NIPAL3: variants seen among roughly 807,000 people sequenced by gnomAD.
NIPAL3 encodes the protein NIPA like domain containing 3.
Under a neutral mutation model 47.2 loss-of-function variants are expected in NIPAL3, and 41 were observed. That is an observed-to-expected ratio of 0.87 (90% CI 0.68 to 1.13). NIPAL3 has a LOEUF of 1.13. Among genes scored for constraint, NIPAL3 ranks in the 50% most tolerant of loss-of-function variants. The probability of loss-of-function intolerance (pLI) is 0.00; values close to 1 mark genes in which losing one functional copy is unlikely to be tolerated. For synonymous variants in NIPAL3, 194 were observed against 209.6 expected (o/e 0.93, Z 0.64); for missense variants, 449 against 530.1 (o/e 0.85, Z 1.50).
Position 24,464,093 on chromosome 1 carries a change from C to T in NIPAL3, c.994C>T (p.Pro332Ser), listed in dbSNP as rs536209713. Reference protein sequence around the residue: ...RNRKKPIPFEPYISMDAMPGM... With the variant: ...RNRKKPIPFESYISMDAMPGM... ...CAGGAAGAAGCCCATTCCATTTGAG[C>T]CCTATATTTCCATGGATGCCATGCC... Residue 332 changes from proline (P) to serine (S), a missense_variant, in exon 11 of 12, where the codon CCC becomes TCC. Physicochemically the swap from Pro to Ser is moderately conservative, Grantham distance 74. Coordinates refer to ENST00000374399, the MANE Select transcript of NIPAL3 (RefSeq NM_020448.5). 1.1e-5 allele frequency: 18 copies of T among 1,613,422 alleles called. No individual in the cohort carries two copies. In the South Asian group the frequency reaches 1.9e-4, roughly 17 times the overall value.
At chr1:24,420,638 A>G (rs1644287527) in intron 2 of NIPAL3, among the ~76,000 whole-genome samples, 2 of 152,212 alleles carry the variant, frequency 1.3e-5, no homozygotes, top group Admixed American at 6.5e-5. Context: ...CACATTGCAC[A>G]TAAAGTTTTG....
chr1:24,462,906 T>C (rs1192449283), intron 10 of NIPAL3, among the ~76,000 whole-genome samples: 1 of 152,226 alleles, frequency 6.6e-6, no homozygotes, highest in African/African-American at 2.4e-5. Flanking sequence ...GAGACCAGCC[T>C]GGTGGTTTGC....
At chr1:24,462,781 A>G (rs1232432147) in intron 10 of NIPAL3, among the ~76,000 whole-genome samples, 1 of 151,400 alleles carries the variant, frequency 6.6e-6, no homozygotes, top group East Asian at 2.0e-4. Context: ...AAAAATAATG[A>G]ACTACTAATA....
At chr1:24,456,043 C>G in intron 7 of NIPAL3, 95 bp from the exon 8 acceptor site, 10 of 1,433,358 alleles carry the variant, frequency 7.0e-6, no homozygotes, top group Non-Finnish European at 9.7e-6. Flanking sequence ...TCCCCTCTGT[C>G]TCCCCAAGTC....
At position 24,449,785 on chromosome 1, in the gene NIPAL3, G is replaced by A. The variant is rs1202977762; in HGVS notation, c.540+159G>A. Among the ~76,000 whole-genome samples the A allele has an allele frequency of 3.9e-5, 6 of 152,182 alleles. No individual in the cohort carries two copies. In the East Asian group the frequency reaches 7.7e-4, roughly 20 times the overall value. On this transcript the variant is annotated intron_variant, in intron 6 of 11. Coordinates refer to ENST00000374399, the MANE Select transcript of NIPAL3 (RefSeq NM_020448.5). The surrounding 1 kb of genome is among the most constrained non-coding windows in gnomAD (Gnocchi z 4.5). ...TTCTGGAGAGTACACAGCTCATGGC[G>A]AAATGCTTGTTTCATTTATGTAATA...
rs1646874139 is a variant in NIPAL3 at position 24,470,692 on chromosome 1, A to T, written c.*1507A>T. ...TAATAGGCATGATAACAGTGTTAAT[A>T]GACCAGTGTGATAGATCACTTATCT... On this transcript the variant is annotated 3_prime_UTR_variant, in exon 12 of 12. Coordinates refer to ENST00000374399, the MANE Select transcript of NIPAL3 (RefSeq NM_020448.5). 1 of 152,242 alleles carries T rather than the reference A, an allele frequency of 6.6e-6. No individual in the cohort carries two copies. Among genetic ancestry groups the T allele is most frequent in the Non-Finnish European group, 1.5e-5 (1 of 68,048 alleles). The allele number at this position is 152,242 out of a possible 1,614,324, so 9.4% of individuals were successfully genotyped here.
intron 7 of NIPAL3, among the ~76,000 whole-genome samples, chr1:24,455,689 A>C (rs1264936867): frequency 6.6e-6 from 1 of 152,170 alleles, no homozygotes; most frequent in African/African-American, 2.4e-5. Context: ...ACAACAACAA[A>C]AAATACAAGT....
intron 9 of NIPAL3, among the ~76,000 whole-genome samples, chr1:24,460,210 A>T (rs965045599): frequency 1.3e-5 from 2 of 152,144 alleles, no homozygotes; most frequent in African/African-American, 4.8e-5. Context: ...GGAAGGGTGC[A>T]TGGGAACTCT....
At chr1:24,439,919 G>A (rs919410579) in intron 2 of NIPAL3, among the ~76,000 whole-genome samples, 1 of 152,216 alleles carries the variant, frequency 6.6e-6, no homozygotes, top group African/African-American at 2.4e-5. Context: ...AGCACAGCAG[G>A]TTTAGACCTT....
upstream of NIPAL3, chr1:24,413,530 G>T (rs1643845035): frequency 6.6e-6 from 1 of 152,298 alleles, no homozygotes; most frequent in African/African-American, 2.4e-5. Flanking sequence ...CGCCCTCGGG[G>T]CTCCACCTAG....
intron 3 of NIPAL3, among the ~76,000 whole-genome samples, chr1:24,440,630 C>T (rs1645335351): frequency 6.6e-6 from 1 of 152,140 alleles, no homozygotes; most frequent in African/African-American, 2.4e-5. Context: ...GCTGTGGATC[C>T]CCCCACTGAC....
At chr1:24,443,463 A>C (rs1386481786) in intron 4 of NIPAL3, among the ~76,000 whole-genome samples, 1 of 152,182 alleles carries the variant, frequency 6.6e-6, no homozygotes, top group Non-Finnish European at 1.5e-5. Context: ...TGGCAGATGC[A>C]TGGTAACTAT....
Position 24,447,192 on chromosome 1 carries a change from G to T in NIPAL3, c.394+1948G>T, listed in dbSNP as rs531653106. 3.9e-5 allele frequency among the ~76,000 whole-genome samples: 6 copies of T among 152,332 alleles called. No individual in the cohort carries two copies. The South Asian group carries it at 8.3e-4, about 21-fold the overall frequency. ...TTCTGCGCTCTGGGCTGGGGCCGGGGCCGGGGCATTGGCATTCTTATAGAG... is the reference window on the plus strand; with the variant it reads ...TTCTGCGCTCTGGGCTGGGGCCGGGTCCGGGGCATTGGCATTCTTATAGAG... On this transcript the variant is annotated intron_variant, in intron 5 of 11. Coordinates refer to ENST00000374399, the MANE Select transcript of NIPAL3 (RefSeq NM_020448.5).
chr1:24,432,253 G>A (rs936830728), intron 2 of NIPAL3, among the ~76,000 whole-genome samples: 5 of 152,048 alleles, frequency 3.3e-5, no homozygotes, highest in Non-Finnish European at 5.9e-5. Flanking sequence ...TCAGCCTCCC[G>A]AGTAGCTGGA....
At position 24,449,770 on chromosome 1, in the gene NIPAL3, T is replaced by C. The variant is rs1275275703; in HGVS notation, c.540+144T>C. The C allele has an allele frequency of 1.2e-6, 1 of 836,656 alleles. No homozygotes were observed. Among genetic ancestry groups the C allele is most frequent in the Non-Finnish European group, 1.8e-6 (1 of 557,386 alleles). The allele number at this position is 836,656 out of a possible 1,614,324, so 51.8% of individuals were successfully genotyped here. On this transcript the variant is annotated intron_variant, in intron 6 of 11. Transcript: ENST00000374399. The surrounding 1 kb of genome is among the most constrained non-coding windows in gnomAD (Gnocchi z 4.5). ...CATGAAAGACCGTGCTTCTGGAGAG[T>C]ACACAGCTCATGGCGAAATGCTTGT...
chr1:24,460,634 C>T, intron 10 of NIPAL3, 90 bp downstream of exon 10: 3 of 1,094,180 alleles, frequency 2.7e-6, no homozygotes, highest in Non-Finnish European at 3.8e-6. Flanking sequence ...CTACAGCCGC[C>T]CCATCCTTTA....
rs992554960 is a variant in NIPAL3, at chr1:24,416,993, T to G, written c.-258+1089T>G. 6.6e-6 allele frequency: 1 copy of G among 152,350 alleles called. No individual in the cohort carries two copies. Among genetic ancestry groups the G allele is most frequent in the Admixed American group, 6.5e-5 (1 of 15,288 alleles). 9.4% of individuals were successfully genotyped at this position (152,350 alleles called of 1,614,324 possible). On this transcript the variant is annotated intron_variant, in intron 1 of 11. Transcript: ENST00000374399. The surrounding 1 kb of genome is among the most constrained non-coding windows in gnomAD (Gnocchi z 4.8). The stretch of plus-strand genomic sequence containing the variant: ...GCCTGGGTTCCCACCACTCCCTTGA[T>G]TGACATGTCGCTAAGGTCTGTTGGC...
chr1:24,463,976 G>A (rs538714471), intron 10 of NIPAL3, 50 bp from the exon 11 acceptor site: 12 of 1,501,870 alleles, frequency 8.0e-6, no homozygotes, highest in African/African-American at 5.5e-5. Context: ...GTGCCTGCCC[G>A]ACCTTGCTCC....
At chr1:24,440,287 C>A in intron 3 of NIPAL3, 47 bp downstream of exon 3, 1 of 1,454,818 alleles carries the variant, frequency 6.9e-7, no homozygotes. Context: ...ACACAGCAGA[C>A]AAGTCAGGGT....
Sources: allele counts gnomAD v4.1 joint callset (sites outside exome capture counted in the v4.1 genomes callset), GRCh38; gene constraint gnomAD v4.1.1; non-coding constraint Gnocchi (gnomAD v3.1); transcripts MANE v1.5; gene names NCBI Gene and HGNC (gene_info 2026-07-23, HGNC 2026-07-21).